The following RORA variants were observed in gnomAD, a reference collection of about 807,000 sequenced individuals.
RORA encodes nuclear receptor ROR-alpha.
Under a neutral mutation model 69.5 loss-of-function variants are expected in RORA, and 7 were observed. That is an observed-to-expected ratio of 0.10 (90% CI 0.06 to 0.19). The LOEUF (loss-of-function observed/expected upper bound fraction) is 0.19. Ranked by LOEUF, RORA falls within the 10% of genes least tolerant of loss-of-function variation. The pLI, the probability that RORA is intolerant of heterozygous loss-of-function variation, is 1.00. For synonymous variants in RORA, 261 were observed against 240.8 expected, an observed-to-expected ratio of 1.08 and a Z score of -0.78; for missense variants, 457 against 663.0, an observed-to-expected ratio of 0.69 and a Z score of 3.41.
At chr15:60,972,834 G>A (rs1454242078) in intron 1 of RORA, among the ~76,000 whole-genome samples, 1 of 152,178 alleles carries the variant, frequency 6.6e-6, no homozygotes, top group East Asian at 1.9e-4. Context: ...AAAAGAATAA[G>A]TTCTCTTAAT....
At chr15:60,562,438 G>C (rs1489568887) in intron 2 of RORA, among the ~76,000 whole-genome samples, 1 of 146,946 alleles carries the variant, frequency 6.8e-6, no homozygotes, top group Non-Finnish European at 1.5e-5. Context: ...GGTTGGGGGG[G>C]GGTTGCTTTT....
At position 60,947,881 on chromosome 15, in the gene RORA, G is replaced by A. The variant is rs118144893; in HGVS notation, c.167-269195C>T. 8.6e-3 allele frequency among the ~76,000 whole-genome samples: 1,305 copies of A among 152,248 alleles called. 47 individuals are homozygous for A. Among genetic ancestry groups the A allele is most frequent in the East Asian group, 0.063 (324 of 5,176 alleles). On this transcript the variant is annotated intron_variant, in intron 1 of 10. Transcript: ENST00000335670. ...GCATCATTAACAGGCAGGGCATGGG[G>A]CCTTGGGGCCTCAGGGGCAGCTATT...
At chr15:60,560,594 C>T (rs1048032168) in intron 2 of RORA, among the ~76,000 whole-genome samples, 5 of 152,014 alleles carry the variant, frequency 3.3e-5, no homozygotes, top group Non-Finnish European at 5.9e-5. Flanking sequence ...GGCTACTGGT[C>T]GGGGAGAGGG....
intron 1 of RORA, among the ~76,000 whole-genome samples, chr15:60,982,459 G>A (rs761942798): frequency 6.6e-6 from 1 of 152,154 alleles, no homozygotes; most frequent in Non-Finnish European, 1.5e-5. Context: ...TTAGACAGTA[G>A]AGAAGAATGT....
chr15:60,881,834 C>G (rs1214336825), intron 1 of RORA, among the ~76,000 whole-genome samples: 2 of 152,188 alleles, frequency 1.3e-5, no homozygotes, highest in Non-Finnish European at 2.9e-5. Flanking sequence ...TGTCTGCTTT[C>G]CCTTGTTCAT....
intron 2 of RORA, among the ~76,000 whole-genome samples, chr15:60,553,581 T>G (rs957122685): frequency 2.0e-5 from 3 of 152,186 alleles, no homozygotes; most frequent in African/African-American, 7.2e-5. Context: ...TTATGACACT[T>G]TGGCATGAAG....
At chr15:61,218,710 A>ACACACAC (rs1555421365) in intron 1 of RORA, among the ~76,000 whole-genome samples, 4 of 150,132 alleles carry the variant, frequency 2.7e-5, no homozygotes, top group Admixed American at 6.7e-5. Context: ...ACACACACAC[A>ACACACAC]ATTTCCTTCT....
At chr15:60,603,614 T>C (rs936020311) in intron 2 of RORA, among the ~76,000 whole-genome samples, 3 of 152,272 alleles carry the variant, frequency 2.0e-5, no homozygotes, top group African/African-American at 7.2e-5. Flanking sequence ...AACTTTGTTT[T>C]ATGTGTGTTT....
At chr15:60,725,427 A>T (rs1397235346) in intron 1 of RORA, among the ~76,000 whole-genome samples, 1 of 152,068 alleles carries the variant, frequency 6.6e-6, no homozygotes, top group Admixed American at 6.5e-5. Context: ...AATTTTTTTA[A>T]TTTTTAATTT....
intron 2 of RORA, among the ~76,000 whole-genome samples, chr15:60,646,781 T>C (rs984008594): frequency 6.6e-6 from 1 of 152,162 alleles, no homozygotes; most frequent in Non-Finnish European, 1.5e-5. Context: ...CATCAGAAAC[T>C]GGAAAGTCTC....
At chr15:60,659,926 C>G (rs370463339) in intron 2 of RORA, among the ~76,000 whole-genome samples, 10 of 152,260 alleles carry the variant, frequency 6.6e-5, no homozygotes, top group African/African-American at 2.4e-4. Context: ...GTCATTTCAT[C>G]CACAACTACT....
chr15:61,187,729 TA>T (rs2079758161), intron 1 of RORA, among the ~76,000 whole-genome samples: 1 of 152,024 alleles, frequency 6.6e-6, no homozygotes, highest in Non-Finnish European at 1.5e-5. Context: ...ACCACAGGCA[TA>T]AAAGGGAAAG....
chr15:61,043,574 AT>A (rs1896883434), intron 1 of RORA, among the ~76,000 whole-genome samples: 1 of 152,208 alleles, frequency 6.6e-6, no homozygotes, highest in Non-Finnish European at 1.5e-5. Context: ...GACATCAGAC[AT>A]TGGAGCTAAT....
intron 1 of RORA, among the ~76,000 whole-genome samples, chr15:60,834,839 C>T (rs2073095084): frequency 6.6e-6 from 1 of 152,098 alleles, no homozygotes; most frequent in African/African-American, 2.4e-5. Context: ...TTGCTTGTTC[C>T]CCTTTTCCCC....
chr15:60,755,606 G>A (rs1175325933), intron 1 of RORA, among the ~76,000 whole-genome samples: 1 of 152,114 alleles, frequency 6.6e-6, no homozygotes, highest in East Asian at 1.9e-4. Context: ...CACCAACAGT[G>A]TAAAAGTGTT....
At chr15:60,574,334 C>T (rs1219282668) in intron 2 of RORA, among the ~76,000 whole-genome samples, 1 of 152,176 alleles carries the variant, frequency 6.6e-6, no homozygotes, top group African/African-American at 2.4e-5. Context: ...AAATGATAGG[C>T]TTAGAACATA....
intron 1 of RORA, among the ~76,000 whole-genome samples, chr15:61,217,531 T>C (rs565985009): frequency 6.6e-6 from 1 of 152,138 alleles, no homozygotes; most frequent in South Asian, 2.1e-4. Context: ...TCAAAACACA[T>C]TTAGAAGAGA....
At chr15:60,570,443 A>G (rs1021250838) in intron 2 of RORA, among the ~76,000 whole-genome samples, 8 of 151,946 alleles carry the variant, frequency 5.3e-5, no homozygotes, top group Admixed American at 5.2e-4. Flanking sequence ...TTATCCTCCT[A>G]CCTCAGTCTC....
chr15:60,790,736 T>C (rs1442746015), intron 1 of RORA, among the ~76,000 whole-genome samples: 1 of 152,186 alleles, frequency 6.6e-6, no homozygotes, highest in Non-Finnish European at 1.5e-5. Context: ...ATGTTAAGAA[T>C]TTCAAGAGGT....
Sources: gnomAD v4.1 joint callset for allele counts (sites outside exome capture counted in the v4.1 genomes callset) on GRCh38, gnomAD v4.1.1 for gene constraint, MANE v1.5 for transcripts, NCBI Gene and HGNC (gene_info 2026-07-23, HGNC 2026-07-21) for gene names.